Variants in GAB4 observed in about 807,000 individuals in gnomAD.
GAB4 encodes the protein GRB2-associated-binding protein 4.
GAB4 carries 26 observed loss-of-function variants against 51.3 expected under a neutral mutation model. The ratio of observed to expected loss-of-function variants is 0.51; its 90% CI spans 0.37 to 0.70. The LOEUF (loss-of-function observed/expected upper bound fraction) is 0.70, where lower values mean the gene tolerates loss of function less well. Among genes scored for constraint, GAB4 ranks in the 30% least tolerant of loss-of-function variants. GAB4 has a pLI of 0.00. For synonymous variants in GAB4, 329 were observed against 291.2 expected, an observed-to-expected ratio of 1.13 and a Z score of -1.32; for missense variants, 759 against 734.6, an observed-to-expected ratio of 1.03 and a Z score of -0.38.
chr22:16,986,981 G>A (rs569382248), intron 3 of GAB4, among the ~76,000 whole-genome samples: 9 of 152,250 alleles, frequency 5.9e-5, no homozygotes, highest in African/African-American at 1.4e-4. Context: ...TTCTAGTCCC[G>A]CCTCTACCAT....
At chr22:16,989,630 G>T (rs1332509179) in intron 2 of GAB4, among the ~76,000 whole-genome samples, 1 of 152,198 alleles carries the variant, frequency 6.6e-6, no homozygotes. Flanking sequence ...CCTGCAAGAT[G>T]AATGCTCTAC....
intron 1 of GAB4, among the ~76,000 whole-genome samples, chr22:17,001,518 T>C (rs1221257811): frequency 6.6e-6 from 1 of 152,214 alleles, no homozygotes; most frequent in Non-Finnish European, 1.5e-5. Flanking sequence ...CTATACTGTT[T>C]ATTCTAGTTA....
In GAB4 at chr22:16,975,130, A is replaced by C. The variant is rs541838193; in HGVS notation, c.687-4937T>G. Among the ~76,000 whole-genome samples, 32 of 152,234 alleles carry C rather than the reference A, an allele frequency of 2.1e-4. No homozygotes were observed. The South Asian group carries it at 3.5e-3, about 17-fold the overall frequency. On this transcript the variant is annotated intron_variant, in intron 3 of 9. Coordinates refer to ENST00000400588, the MANE Select transcript of GAB4 (RefSeq NM_001037814.1). ...CTGTAGGAGTTTTTTTCCATACCCT[A>C]GTGGCGCCTGGAATGCCAGAGTGAC...
At chr22:17,005,537 T>G (rs924393843) in intron 1 of GAB4, among the ~76,000 whole-genome samples, 1 of 152,228 alleles carries the variant, frequency 6.6e-6, no homozygotes, top group Non-Finnish European at 1.5e-5. Flanking sequence ...AGAGCCCGTA[T>G]AGCCAAGACA....
At chr22:17,003,904 A>G (rs2061018267) in intron 1 of GAB4, among the ~76,000 whole-genome samples, 1 of 151,552 alleles carries the variant, frequency 6.6e-6, no homozygotes, top group African/African-American at 2.4e-5. Flanking sequence ...TTAAAAAATT[A>G]GATAGACCGC....
intron 1 of GAB4, among the ~76,000 whole-genome samples, chr22:16,995,083 C>T (rs1057466035): frequency 9.9e-5 from 15 of 152,278 alleles, no homozygotes; most frequent in African/African-American, 3.6e-4. Flanking sequence ...ATCCTATAAA[C>T]GCCTTGGTCA....
intron 3 of GAB4, among the ~76,000 whole-genome samples, chr22:16,980,485 A>G (rs1249620590): frequency 6.6e-6 from 1 of 152,220 alleles, no homozygotes; most frequent in African/African-American, 2.4e-5. Context: ...TAGAATAGTG[A>G]TCATTAAAAA....
chr22:16,991,836 A>T (rs1295556475), intron 2 of GAB4, 37 bp downstream of exon 2: 1 of 1,545,270 alleles, frequency 6.5e-7, no homozygotes, highest in East Asian at 2.3e-5. Flanking sequence ...GCCTCATCTC[A>T]GCCCCTCCTG....
intron 1 of GAB4, among the ~76,000 whole-genome samples, chr22:16,998,849 AG>A (rs1203903512): frequency 2.6e-5 from 4 of 152,182 alleles, no homozygotes; most frequent in Admixed American, 2.6e-4. Flanking sequence ...TTTAGCATGA[AG>A]GGCTGTTGAA....
intron 1 of GAB4, among the ~76,000 whole-genome samples, chr22:16,996,659 A>C (rs1327957750): frequency 6.6e-6 from 1 of 151,988 alleles, no homozygotes; most frequent in Non-Finnish European, 1.5e-5. Context: ...AATATTCAAC[A>C]TTCTTTTTTA....
intron 3 of GAB4, among the ~76,000 whole-genome samples, chr22:16,985,629 A>G (rs1380380235): frequency 6.6e-6 from 1 of 152,218 alleles, no homozygotes; most frequent in East Asian, 1.9e-4. Context: ...AATTTGGCAA[A>G]CAGTGTCTAA....
intron 1 of GAB4, among the ~76,000 whole-genome samples, chr22:17,004,659 G>A (rs1443370284): frequency 1.3e-5 from 2 of 150,830 alleles, no homozygotes; most frequent in Non-Finnish European, 1.5e-5. Context: ...AATAAACTAA[G>A]TATTGATGGA....
intron 1 of GAB4, among the ~76,000 whole-genome samples, chr22:16,996,049 T>C (rs1300388021): frequency 1.3e-5 from 2 of 151,970 alleles, no homozygotes; most frequent in Admixed American, 6.6e-5. Context: ...GCAAGGAAGC[T>C]AAGAACCTTG....
At chr22:16,990,911 G>A (rs577760941) in intron 2 of GAB4, among the ~76,000 whole-genome samples, 8 of 152,214 alleles carry the variant, frequency 5.3e-5, no homozygotes, top group East Asian at 3.9e-4. Flanking sequence ...ACATTCTCAC[G>A]AGAATGTGCA....
chr22:16,966,291 G>T lies in GAB4; in HGVS notation c.1097C>A (p.Ser366Tyr). ...EGSCVPMNPG[S>Y]PTLPAVKQAG... is the part of the protein sequence containing the mutation. ...TTGCTTCACAGCCGGCAGGGTAGGGGAGCCTGGGTTCATGGGCACACAGCT... is the reference window on the plus strand; with the variant it reads ...TTGCTTCACAGCCGGCAGGGTAGGGTAGCCTGGGTTCATGGGCACACAGCT... Residue 366 changes from serine (S) to tyrosine (Y), a missense_variant, in exon 6 of 10, where the codon TCC becomes TAC. Around this residue, in one of 3 missense-constraint regions of GAB4, gnomAD observed 588 missense variants for 510.2 expected, o/e 1.15. Transcript: ENST00000400588. 1 of 1,613,848 alleles carries T rather than the reference G, an allele frequency of 6.2e-7. No individual in the cohort carries two copies. Among genetic ancestry groups the T allele is most frequent in the South Asian group, 1.1e-5 (1 of 91,078 alleles).
intron 1 of GAB4, among the ~76,000 whole-genome samples, chr22:17,004,677 T>G (rs1313366603): frequency 4.0e-5 from 6 of 151,572 alleles, no homozygotes; most frequent in Non-Finnish European, 8.8e-5. Context: ...GGAACGTATC[T>G]CAAAATAATA....
chr22:16,962,564 C>T lies in GAB4; in HGVS notation c.*169G>A. On this transcript the variant is annotated 3_prime_UTR_variant, in exon 10 of 10. Transcript: ENST00000400588. ...CTAGCAAGGGGGTGAAGGTGGGGAC[C>T]ATGGCCAGCCAAAGGCACAGGTGGG... The T allele has an allele frequency of 4.0e-6, 2 of 505,370 alleles. No homozygotes were observed. The highest frequency in any genetic ancestry group is 6.6e-6 in the Non-Finnish European group (2 of 305,250). The allele number at this position is 505,370 out of a possible 1,614,324, so 31.3% of individuals were successfully genotyped here.
chr22:16,966,186 G>A lies in GAB4; in HGVS notation c.1202C>T (p.Thr401Ile). Residue 401 changes from threonine to isoleucine, a missense_variant, in exon 6 of 10, where the codon ACA becomes ATA. Physicochemically the swap from Thr to Ile is moderately conservative, Grantham distance 89. Coordinates refer to ENST00000400588, the MANE Select transcript of GAB4 (RefSeq NM_001037814.1). ...VRFDLLGSPL[T>I]ELSMHQDLSQ... ...GAGGTCTTGGTGCATAGAAAGCTCTGTGAGTGGGGAGCCAAGCAGGTCAAA... is the reference window on the plus strand; with the variant it reads ...GAGGTCTTGGTGCATAGAAAGCTCTATGAGTGGGGAGCCAAGCAGGTCAAA... The A allele has an allele frequency of 6.2e-7, 1 of 1,614,098 alleles. No homozygotes were observed. The highest frequency in any genetic ancestry group is 8.5e-7 in the Non-Finnish European group (1 of 1,180,000).
intron 3 of GAB4, among the ~76,000 whole-genome samples, chr22:16,985,797 A>G (rs2060862396): frequency 6.6e-6 from 1 of 152,232 alleles, no homozygotes; most frequent in Admixed American, 6.5e-5. Context: ...GTGCCATCTC[A>G]CTACAGCACA....
Sources: gnomAD v4.1 joint callset for allele counts (sites outside exome capture counted in the v4.1 genomes callset) on GRCh38, gnomAD v4.1.1 for gene constraint, gnomAD v4.1.1 regional missense constraint, MANE v1.5 for transcripts, NCBI Gene and HGNC (gene_info 2026-07-23, HGNC 2026-07-21) for gene names.